Variants in FTCDNL1 observed in about 807,000 individuals in gnomAD.
FTCDNL1 encodes the protein formiminotransferase cyclodeaminase N-terminal like.
FTCDNL1 carries 11 observed loss-of-function variants against 5.9 expected under a neutral mutation model. The ratio of observed to expected loss-of-function variants is 1.87; its 90% CI spans 1.18 to 3.10. The LOEUF (loss-of-function observed/expected upper bound fraction) is 3.10. Ranked by LOEUF, FTCDNL1 falls within the 30% of genes most tolerant of loss-of-function variation. The probability of loss-of-function intolerance (pLI) is 0.00; values close to 1 mark genes in which losing one functional copy is unlikely to be tolerated. For missense variants in FTCDNL1, 115 were observed against 65.5 expected (o/e 1.76, Z -2.61); for synonymous variants, 58 against 24.8 (o/e 2.34, Z -3.99).
chr2:199,769,052 C>T (rs1232594052), intron 3 of FTCDNL1, among the ~76,000 whole-genome samples: 1 of 152,158 alleles, frequency 6.6e-6, no homozygotes, highest in East Asian at 1.9e-4. Flanking sequence ...GATTTCTCTT[C>T]CCAACTTGCA....
chr2:199,766,959 G>C (rs1698567912), intron 3 of FTCDNL1, among the ~76,000 whole-genome samples: 1 of 151,950 alleles, frequency 6.6e-6, no homozygotes, highest in South Asian at 2.1e-4. Context: ...TGAGGTAGGG[G>C]AAGTAAGAAA....
At chr2:199,805,096 C>G (rs891042848), downstream of FTCDNL1, among the ~76,000 whole-genome samples, 1 of 152,114 alleles carries the variant, frequency 6.6e-6, no homozygotes, top group African/African-American at 2.4e-5. Flanking sequence ...GGAGAAAGAA[C>G]AGCTGGAGCC....
chr2:199,816,467 G>A (rs1252210012), intron 4 of FTCDNL1, among the ~76,000 whole-genome samples: 2 of 152,158 alleles, frequency 1.3e-5, no homozygotes, highest in Non-Finnish European at 2.9e-5. Flanking sequence ...ACCCTTCAGG[G>A]AAGATGATGG....
the FTCDNL1 span, among the ~76,000 whole-genome samples, chr2:199,722,321 C>T: frequency 6.6e-6 from 1 of 152,028 alleles, no homozygotes; most frequent in Non-Finnish European, 1.5e-5. Flanking sequence ...TAAAGAAGGG[C>T]TCCAGTGTCA....
chr2:199,770,492 T>C (rs868219772), intron 3 of FTCDNL1, among the ~76,000 whole-genome samples: 3 of 152,200 alleles, frequency 2.0e-5, no homozygotes, highest in African/African-American at 7.2e-5. Flanking sequence ...AATATCTTCT[T>C]ATCAAAAATC....
chr2:199,848,937 C>G lies in FTCDNL1; in HGVS notation c.26G>C (p.Arg9Pro), dbSNP rs552443435. Residue 9 changes from arginine (R) to proline (P), a missense_variant, in exon 2 of 5, where the codon CGT becomes CCT. Physicochemically the swap from Arg to Pro is moderately radical, Grantham distance 103. Coordinates refer to ENST00000420128, the MANE Select transcript of FTCDNL1 (RefSeq NM_001363886.2). ...AACGTTTAGTAAACAGGCAGCCAAA[C>G]GGAGCCCCACTCTGGAAGAAGACAT... is the stretch of plus-strand genomic sequence containing the variant. MSSSRVGL[R>P]LAACLLNVSE... is the part of the protein sequence containing the mutation. 149 of 702,120 alleles carry G rather than the reference C, an allele frequency of 2.1e-4. 1 individual carries two copies. Among genetic ancestry groups the G allele is most frequent in the South Asian group, 1.6e-3 (111 of 67,588 alleles). 43.5% of individuals were successfully genotyped at this position (702,120 alleles called of 1,614,324 possible). A position where few individuals can be genotyped will look rare whatever the true frequency, so the allele number is the denominator to read the frequency against.
chr2:199,756,026 A>C (rs1482648514), downstream of FTCDNL1, among the ~76,000 whole-genome samples: 1 of 152,246 alleles, frequency 6.6e-6, no homozygotes, highest in Non-Finnish European at 1.5e-5. Context: ...TCAACTCTCA[A>C]CTGTGTGGTA....
the FTCDNL1 span, among the ~76,000 whole-genome samples, chr2:199,702,898 G>A: frequency 6.6e-6 from 1 of 152,078 alleles, no homozygotes; most frequent in South Asian, 2.1e-4. Context: ...ACGACCCTGA[G>A]GTGAGACCAA....
At chr2:199,732,049 A>C in the FTCDNL1 span, among the ~76,000 whole-genome samples, 1 of 152,154 alleles carries the variant, frequency 6.6e-6, no homozygotes, top group African/African-American at 2.4e-5. Context: ...TAATCCTCAC[A>C]CCAAATCCAA....
intron 3 of FTCDNL1, among the ~76,000 whole-genome samples, chr2:199,839,821 T>A (rs749412767): frequency 1.6e-4 from 25 of 152,204 alleles, no homozygotes; most frequent in Non-Finnish European, 2.9e-4. Context: ...TGGAATTCTA[T>A]AGCAAGACAA....
At chr2:199,755,245 A>C in the FTCDNL1 span, among the ~76,000 whole-genome samples, 1 of 152,236 alleles carries the variant, frequency 6.6e-6, no homozygotes, top group Admixed American at 6.5e-5. Flanking sequence ...TGGCTTGATA[A>C]GTAGGTATCT....
intron 3 of FTCDNL1, among the ~76,000 whole-genome samples, chr2:199,841,319 G>A (rs371674958): frequency 2.2e-3 from 337 of 151,692 alleles, no homozygotes; most frequent in African/African-American, 7.6e-3. Context: ...CACAGGAGGC[G>A]GGGTTTGCAG....
At chr2:199,710,843 C>T in the FTCDNL1 span, among the ~76,000 whole-genome samples, 2 of 152,170 alleles carry the variant, frequency 1.3e-5, no homozygotes, top group Non-Finnish European at 2.9e-5. Flanking sequence ...AAAGTCTTCT[C>T]TTTGCTTTAG....
intron 3 of FTCDNL1, among the ~76,000 whole-genome samples, chr2:199,765,214 A>C (rs909619929): frequency 6.6e-6 from 1 of 152,116 alleles, no homozygotes; most frequent in Non-Finnish European, 1.5e-5. Context: ...GGACTGTACA[A>C]CACCAAGAGT....
intron 3 of FTCDNL1, among the ~76,000 whole-genome samples, chr2:199,774,606 G>A (rs904619110): frequency 6.6e-6 from 1 of 152,028 alleles, no homozygotes; most frequent in Non-Finnish European, 1.5e-5. Context: ...GGCAAAACGG[G>A]TTTTAAGGGT....
the FTCDNL1 span, among the ~76,000 whole-genome samples, chr2:199,713,673 A>T: frequency 6.6e-6 from 1 of 152,162 alleles, no homozygotes; most frequent in Non-Finnish European, 1.5e-5. Context: ...ATATTTGCAC[A>T]TTTTTACTAT....
At chr2:199,762,398 G>A (rs1027550645) in intron 3 of FTCDNL1, among the ~76,000 whole-genome samples, 22 of 152,018 alleles carry the variant, frequency 1.4e-4, no homozygotes, top group Non-Finnish European at 2.6e-4. Flanking sequence ...CAGAAAGAAA[G>A]TTTACAAATT....
chr2:199,708,606 C>A, the FTCDNL1 span, among the ~76,000 whole-genome samples: 4,662 of 152,158 alleles, frequency 0.031, 229 homozygotes, highest in African/African-American at 0.11. Context: ...GTTATGTAGG[C>A]CTATAGCAGC....
chr2:199,696,350 C>T, the FTCDNL1 span, among the ~76,000 whole-genome samples: 233 of 152,292 alleles, frequency 1.5e-3, no homozygotes, highest in African/African-American at 5.3e-3. Context: ...ACCCTGCTGC[C>T]ACCACCTCGA....
Sources: allele counts gnomAD v4.1 joint callset (sites outside exome capture counted in the v4.1 genomes callset), GRCh38; gene constraint gnomAD v4.1.1; transcripts MANE v1.5; gene names NCBI Gene and HGNC (gene_info 2026-07-23, HGNC 2026-07-21).